SESN2: variants seen among roughly 807,000 people sequenced by gnomAD.
The protein encoded by SESN2 is sestrin 2, also known as sestrin-2.
Under a neutral mutation model 56.0 loss-of-function variants are expected in SESN2, and 42 were observed. The ratio of observed to expected loss-of-function variants is 0.75; its 90% CI spans 0.59 to 0.97. SESN2 has a LOEUF of 0.97. Among genes scored for constraint, SESN2 ranks in the 50% least tolerant of loss-of-function variants. The pLI, the probability that SESN2 is intolerant of heterozygous loss-of-function variation, is 0.00. For synonymous variants in SESN2, 264 were observed against 267.1 expected (o/e 0.99, Z 0.11); for missense variants, 507 against 649.4 (o/e 0.78, Z 2.38).
In SESN2 at chr1:28,259,751, C is replaced by A. The variant is rs1572088311; in HGVS notation, c.-97C>A. On this transcript the variant is annotated 5_prime_UTR_variant, in exon 1 of 10. Transcript: ENST00000253063. ...ACGCCCCGGGGTTCTAGAAGCTCCC[C>A]GGCGGCGCCCAGTCCCGGCTTCATT... The A allele has an allele frequency of 2.1e-6, 2 of 943,508 alleles. No homozygotes were observed. The highest frequency in any genetic ancestry group is 2.9e-6 in the Non-Finnish European group (2 of 685,492). 58.4% of individuals were successfully genotyped at this position (943,508 alleles called of 1,614,324 possible).
intron 6 of SESN2, 109 bp from the exon 7 acceptor site, chr1:28,273,931 T>C (rs1647916009): frequency 1.3e-6 from 1 of 759,396 alleles, no homozygotes; most frequent in African/African-American, 1.7e-5. Flanking sequence ...CAAGGGGCTT[T>C]TTTTGGCCCT....
rs1167356303 is a variant in SESN2, at chr1:28,279,134, C to T, written c.1249C>T (p.Leu417=). 1 of 1,614,170 alleles carries T rather than the reference C, an allele frequency of 6.2e-7. No homozygotes were observed. Among genetic ancestry groups the T allele is most frequent in the East Asian group, 2.2e-5 (1 of 44,882 alleles). The change falls in exon 9 of 10, where the codon CTG becomes TTG. Residue 417 remains leucine, a synonymous_variant. Transcript: ENST00000253063. ...DYDYGEVNQL[L]ERNLKVYIKT... ...TGATTATGGGGAGGTGAACCAGCTC[C>T]TGGAGCGGAACCTCAAGGTCTATAT...
chr1:28,277,980 C>A (rs1490672915), intron 8 of SESN2, among the ~76,000 whole-genome samples: 1 of 152,194 alleles, frequency 6.6e-6, no homozygotes, highest in African/African-American at 2.4e-5. Context: ...AATCTGCCCT[C>A]CAGTTTCCAG....
At chr1:28,273,617 GTCCAA>G in intron 6 of SESN2, 109 bp downstream of exon 6, 3 of 1,099,204 alleles carry the variant, frequency 2.7e-6, no homozygotes, top group Non-Finnish European at 2.5e-6. Context: ...TCAACCTCCC[GTCCAA>G]GAGGTTCTGA....
chr1:28,260,700 C>A lies in SESN2; in HGVS notation c.90+763C>A, dbSNP rs1292604410. 5.3e-5 allele frequency among the ~76,000 whole-genome samples: 8 copies of A among 151,144 alleles called. No homozygotes were observed. In the East Asian group the frequency reaches 1.6e-3, roughly 29 times the overall value. ...TCCCCCACCCTCCCTTCGCGCCGCT[C>A]CCCTCCACCCCCCCGCATTCGCATC... On this transcript the variant is annotated intron_variant, in intron 1 of 9. Transcript: ENST00000253063.
intron 9 of SESN2, among the ~76,000 whole-genome samples, chr1:28,280,003 A>T (rs1316475628): frequency 1.3e-5 from 2 of 151,794 alleles, no homozygotes; most frequent in Non-Finnish European, 2.9e-5. Flanking sequence ...ACACCACCTG[A>T]TTTTTTAAAT....
intron 8 of SESN2, among the ~76,000 whole-genome samples, chr1:28,275,523 G>A: frequency 6.8e-6 from 1 of 147,914 alleles, no homozygotes; most frequent in Non-Finnish European, 1.5e-5. Flanking sequence ...GGGAGGCCGA[G>A]GCGGGCGGAT....
intron 1 of SESN2, among the ~76,000 whole-genome samples, chr1:28,260,369 G>T (rs1031732326): frequency 6.6e-6 from 1 of 152,030 alleles, no homozygotes; most frequent in Non-Finnish European, 1.5e-5. Context: ...TCCTCTTCGC[G>T]GGGGCCGGCG....
rs751187378 is a variant in SESN2 at position 28,275,029 on chromosome 1, C to G, written c.1211+14C>G. The G allele has an allele frequency of 6.3e-7, 1 of 1,594,406 alleles. No individual in the cohort carries two copies. The highest frequency in any genetic ancestry group is 1.3e-5 in the African/African-American group (1 of 74,686). On this transcript the variant is annotated intron_variant, in intron 8 of 9. Transcript: ENST00000253063. ...CTTTGGCATCAGGTGAGCTCATATC[C>G]CTTCATTTGGGGCATGTGTGCACTG... is the stretch of plus-strand genomic sequence containing the variant.
chr1:28,277,902 G>A (rs75366442), intron 8 of SESN2, among the ~76,000 whole-genome samples: 1,780 of 152,196 alleles, frequency 0.012, 30 homozygotes, highest in African/African-American at 0.04. Flanking sequence ...GCTGGTTTCC[G>A]CCCAGCCCTC....
intron 1 of SESN2, 88 bp downstream of exon 1, chr1:28,260,025 C>A: frequency 9.8e-7 from 1 of 1,019,488 alleles, no homozygotes; most frequent in Non-Finnish European, 1.3e-6. Flanking sequence ...TCGGTGTGTC[C>A]TGGGCTCGGG....
chr1:28,278,980 T>A, intron 8 of SESN2, 117 bp from the exon 9 acceptor site: 1 of 1,000,868 alleles, frequency 1.0e-6, no homozygotes, highest in Non-Finnish European at 1.5e-6. Context: ...TTCTTGTTGC[T>A]TCTACCTTCT....
At chr1:28,272,957 G>A (rs1647843832) in intron 5 of SESN2, among the ~76,000 whole-genome samples, 164 bp downstream of exon 5, 1 of 152,154 alleles carries the variant, frequency 6.6e-6, no homozygotes. Flanking sequence ...TCTGTGAAAT[G>A]GGGAGATAAA....
chr1:28,275,676 G>A (rs987314889), intron 8 of SESN2, among the ~76,000 whole-genome samples: 49 of 151,798 alleles, frequency 3.2e-4, no homozygotes, highest in African/African-American at 1.1e-3. Flanking sequence ...CGCTTGAACC[G>A]GGGAGGCGGA....
At chr1:28,275,242 T>C (rs1438817538) in intron 8 of SESN2, among the ~76,000 whole-genome samples, 1 of 152,112 alleles carries the variant, frequency 6.6e-6, no homozygotes, top group Non-Finnish European at 1.5e-5. Flanking sequence ...GATATTTATG[T>C]ACATATATAT....
At chr1:28,271,641 G>A in intron 2 of SESN2, 33 bp from the exon 3 acceptor site, 2 of 1,581,714 alleles carry the variant, frequency 1.3e-6, no homozygotes, top group South Asian at 2.2e-5. Context: ...GGGCAGGAGG[G>A]AAACCCATGC....
chr1:28,272,532 C>T, intron 4 of SESN2, 49 bp from the exon 5 acceptor site: 1 of 1,608,386 alleles, frequency 6.2e-7, no homozygotes, highest in Non-Finnish European at 8.5e-7. Context: ...TGGTGGGTAA[C>T]CCAGGGCAGG....
rs779702789 is a variant in SESN2, at chr1:28,272,400, C to G, written c.471C>G (p.Arg157=). ...TCCACCGGGCCCCCGAGAAGCTGCG[C>G]AAACTCAGCGAGATCAACAAGTTGC... ...LGLHRAPEKL[R]KLSEINKLLA... is the part of the protein sequence containing the mutation. Residue 157 remains arginine (R), a synonymous_variant, in exon 4 of 10, where the codon CGC becomes CGG. Transcript: ENST00000253063. 6.2e-7 allele frequency: 1 copy of G among 1,613,556 alleles called. No homozygotes were observed. Among genetic ancestry groups the G allele is most frequent in the Non-Finnish European group, 8.5e-7 (1 of 1,179,996 alleles).
chr1:28,263,871 G>C (rs1247000028), intron 1 of SESN2, among the ~76,000 whole-genome samples: 1 of 152,104 alleles, frequency 6.6e-6, no homozygotes, highest in Non-Finnish European at 1.5e-5. Context: ...ATGAAAATTA[G>C]ATGGAACCTG....
Sources: allele counts gnomAD v4.1 joint callset (sites outside exome capture counted in the v4.1 genomes callset), GRCh38; gene constraint gnomAD v4.1.1; transcripts MANE v1.5; gene names NCBI Gene and HGNC (gene_info 2026-07-23, HGNC 2026-07-21).